Variants in CD226 observed in about 807,000 individuals in gnomAD.
CD226 encodes the protein CD226 antigen.
A neutral mutation model predicts 34.9 loss-of-function variants in CD226; 24 were observed. That is an observed-to-expected ratio of 0.69 (90% CI 0.50 to 0.97). CD226 has a LOEUF of 0.97. Among genes scored for constraint, CD226 ranks in the 50% least tolerant of loss-of-function variants. The pLI is 0.00. For synonymous variants in CD226, 148 were observed against 147.4 expected (o/e 1.00, Z -0.03); for missense variants, 397 against 412.7 (o/e 0.96, Z 0.33).
Position 69,947,438 on chromosome 18 carries a change from T to TAAAAA in CD226, c.-37_-33dup. 9.3e-7 allele frequency: 1 copy of TAAAAA among 1,071,460 alleles called. No homozygotes were observed. The highest frequency in any genetic ancestry group is 1.3e-6 in the Non-Finnish European group (1 of 755,712). 66.4% of individuals were successfully genotyped at this position (1,071,460 alleles called of 1,614,324 possible). A position where few individuals can be genotyped will look rare whatever the true frequency, so the allele number is the denominator to read the frequency against. On this transcript the variant is annotated 5_prime_UTR_variant, in exon 1 of 6. It introduces an in-frame stop codon into an upstream open reading frame of the 5' UTR. Coordinates refer to ENST00000582621, the MANE Select transcript of CD226 (RefSeq NM_001303618.2). ...AAACTGTTTGAAAGGCTGGTTCTAT[T>TAAAAA]AAAAAAAAAAATTGCTTTTTATAAT...
At position 69,864,275 on chromosome 18, in the gene CD226, A is replaced by G. The variant is rs1220648916; in HGVS notation, c.*39T>C. The G allele has an allele frequency of 4.4e-6, 7 of 1,608,898 alleles. No individual in the cohort carries two copies. Among genetic ancestry groups the G allele is most frequent in the Non-Finnish European group, 6.0e-6 (7 of 1,175,878 alleles). ...TGCATAAAGATCCATGCATGAGTAC[A>G]TAAGAGTCATTACTAATGCACTCAT... On this transcript the variant is annotated 3_prime_UTR_variant, in exon 6 of 6. Transcript: ENST00000582621.
intron 2 of CD226, among the ~76,000 whole-genome samples, chr18:69,933,632 T>C (rs2055615807): frequency 6.6e-6 from 1 of 152,238 alleles, no homozygotes; most frequent in African/African-American, 2.4e-5. Flanking sequence ...AACAATAATA[T>C]CTATTCAACA....
intron 2 of CD226, among the ~76,000 whole-genome samples, chr18:69,944,214 C>A (rs1242329628): frequency 6.6e-6 from 1 of 152,146 alleles, no homozygotes; most frequent in Non-Finnish European, 1.5e-5. Flanking sequence ...CCCATTGCAT[C>A]AATCTGCTCT....
intron 2 of CD226, among the ~76,000 whole-genome samples, chr18:69,906,924 T>A (rs1296862817): frequency 2.0e-5 from 3 of 152,060 alleles, no homozygotes; most frequent in Non-Finnish European, 2.9e-5. Flanking sequence ...GCTTCTGTGC[T>A]CTCTTCTCCC....
intron 2 of CD226, among the ~76,000 whole-genome samples, chr18:69,905,216 G>A (rs2055237505): frequency 6.6e-6 from 1 of 152,116 alleles, no homozygotes; most frequent in Non-Finnish European, 1.5e-5. Flanking sequence ...AGCAGGGCAG[G>A]ATCTCAGAGG....
chr18:69,951,674 C>A (rs1286837839), upstream of CD226, among the ~76,000 whole-genome samples: 1 of 152,118 alleles, frequency 6.6e-6, no homozygotes. Context: ...CTAACATTTC[C>A]CATTTCAAAA....
intron 2 of CD226, among the ~76,000 whole-genome samples, chr18:69,915,219 A>G (rs923791814): frequency 6.6e-6 from 1 of 152,224 alleles, no homozygotes; most frequent in African/African-American, 2.4e-5. Context: ...TATTTGCTTT[A>G]TTAGTAGCAG....
At chr18:69,878,491 C>A in intron 3 of CD226, among the ~76,000 whole-genome samples, 2 of 149,216 alleles carry the variant, frequency 1.3e-5, no homozygotes, top group Admixed American at 6.7e-5. Flanking sequence ...GTTCGGCAGG[C>A]AAGAGTGGCC....
At chr18:69,886,360 C>T (rs1474817362) in intron 3 of CD226, among the ~76,000 whole-genome samples, 1 of 152,180 alleles carries the variant, frequency 6.6e-6, no homozygotes, top group Non-Finnish European at 1.5e-5. Context: ...AGCCCTGTGA[C>T]ACGTAATTCT....
chr18:69,938,283 T>G (rs2055679916), intron 2 of CD226, among the ~76,000 whole-genome samples: 1 of 152,206 alleles, frequency 6.6e-6, no homozygotes, highest in Non-Finnish European at 1.5e-5. Flanking sequence ...ACCTGTTCAC[T>G]TTCCTCTCCC....
intron 2 of CD226, among the ~76,000 whole-genome samples, chr18:69,930,015 C>A (rs1433602052): frequency 2.0e-5 from 3 of 152,140 alleles, no homozygotes; most frequent in Non-Finnish European, 2.9e-5. Context: ...CTCTCCTCTG[C>A]ACCATGAGCA....
In CD226 at chr18:69,861,541, T is replaced by C. The variant is rs1490324602; in HGVS notation, c.*2773A>G. On this transcript the variant is annotated 3_prime_UTR_variant, in exon 6 of 6. Coordinates refer to ENST00000582621, the MANE Select transcript of CD226 (RefSeq NM_001303618.2). ...ATTATCCATCGATATAAATTATATG[T>C]GTATATATATATGTATATATATATA... 9.5e-6 allele frequency: 1 copy of C among 104,768 alleles called. No individual in the cohort carries two copies. The highest frequency in any genetic ancestry group is 3.6e-5 in the African/African-American group (1 of 27,776). The allele number at this position is 104,768 out of a possible 1,614,324, so 6.5% of individuals were successfully genotyped here.
chr18:69,887,249 G>A (rs1031600797), intron 3 of CD226, among the ~76,000 whole-genome samples: 1 of 151,902 alleles, frequency 6.6e-6, no homozygotes, highest in Admixed American at 6.6e-5. Flanking sequence ...TTTACCATAC[G>A]GCAGGTTGAA....
chr18:69,920,777 A>G (rs977177443), intron 2 of CD226, among the ~76,000 whole-genome samples: 2 of 151,862 alleles, frequency 1.3e-5, no homozygotes, highest in Non-Finnish European at 2.9e-5. Context: ...GGTTATGACT[A>G]GCGAAGACAG....
At chr18:69,957,713 C>A (rs987276572), upstream of CD226, among the ~76,000 whole-genome samples, 14 of 152,116 alleles carry the variant, frequency 9.2e-5, no homozygotes, top group African/African-American at 3.4e-4. Flanking sequence ...ACCGCATATA[C>A]GAAAGCAAGG....
In CD226 at chr18:69,895,717, T is replaced by C. The variant is rs779248218; in HGVS notation, c.711A>G (p.Arg237=). The change falls in exon 3 of 6, where the codon AGA becomes AGG. Residue 237 remains arginine, a synonymous_variant. Transcript: ENST00000582621. ...CTCACTCACCCTCGGCTACAGTCAA[T>C]CTCATCACGAAGGTTTCGTTTTCTC... The part of the protein sequence containing the change: ...SAGENETFVM[R]LTVAEGKTDN... 3 of 1,612,574 alleles carry C rather than the reference T, an allele frequency of 1.9e-6. No individual in the cohort carries two copies. In the East Asian group the frequency reaches 6.7e-5, roughly 36 times the overall value.
At chr18:69,879,455 A>G (rs1201067586) in intron 3 of CD226, among the ~76,000 whole-genome samples, 1 of 152,074 alleles carries the variant, frequency 6.6e-6, no homozygotes, top group African/African-American at 2.4e-5. Context: ...GAATTCAGCG[A>G]TATTTCTCTT....
upstream of CD226, among the ~76,000 whole-genome samples, chr18:69,959,161 GATA>G (rs1361471501): frequency 1.3e-5 from 2 of 152,204 alleles, no homozygotes; most frequent in Non-Finnish European, 1.5e-5. Flanking sequence ...TCACATGATC[GATA>G]ATAAATTACA....
At chr18:69,886,758 A>G (rs866893195) in intron 3 of CD226, among the ~76,000 whole-genome samples, 3 of 151,988 alleles carry the variant, frequency 2.0e-5, no homozygotes, top group Non-Finnish European at 4.4e-5. Context: ...TAAAAAAAGG[A>G]AACTTGAAAA....
Sources: gnomAD v4.1 joint callset for allele counts (sites outside exome capture counted in the v4.1 genomes callset) on GRCh38, gnomAD v4.1.1 for gene constraint, MANE v1.5 for transcripts, NCBI Gene and HGNC (gene_info 2026-07-23, HGNC 2026-07-21) for gene names.